Variants in PHTF2 observed in about 807,000 individuals in gnomAD.
PHTF2 encodes putative homeodomain transcription factor 2, also known as protein PHTF2.
A neutral mutation model predicts 101.2 loss-of-function variants in PHTF2; 60 were observed. The ratio of observed to expected loss-of-function variants is 0.59; its 90% CI spans 0.48 to 0.73. The LOEUF (loss-of-function observed/expected upper bound fraction) is 0.73. Ranked by LOEUF, PHTF2 falls within the 30% of genes least tolerant of loss-of-function variation. The pLI is 0.00. For missense variants in PHTF2, 747 were observed against 908.7 expected, an observed-to-expected ratio of 0.82 and a Z score of 2.29; for synonymous variants, 311 against 307.3, an observed-to-expected ratio of 1.01 and a Z score of -0.13.
In PHTF2 at chr7:77,908,960, T is replaced by C; in HGVS notation, c.611+2T>C. ...AAGTACAGGGGGTAAAAGAAGAAGG[T>C]ACTGTTTTTTAAAAAGTAATCTTTT... On this transcript the variant is annotated splice_donor_variant, in intron 8 of 19. Coordinates refer to ENST00000416283, the Ensembl canonical transcript of PHTF2. LOFTEE classifies it high-confidence loss of function. 1 of 1,578,086 alleles carries C rather than the reference T, an allele frequency of 6.3e-7. No individual in the cohort carries two copies. The highest frequency in any genetic ancestry group is 8.6e-7 in the Non-Finnish European group (1 of 1,161,226).
In PHTF2 at chr7:77,951,725, C is replaced by T. The variant is rs73375902; in HGVS notation, c.2211+13C>T. The T allele has an allele frequency of 0.035, 38,229 of 1,092,388 alleles. 1,014 individuals are homozygous for T. Among genetic ancestry groups the T allele is most frequent in the African/African-American group, 0.11 (7,013 of 62,034 alleles). 67.7% of individuals were successfully genotyped at this position (1,092,388 alleles called of 1,614,324 possible). A position where few individuals can be genotyped will look rare whatever the true frequency, so the allele number is the denominator to read the frequency against. The stretch of plus-strand genomic sequence containing the variant: ...TAAACTGCTAAAGGTAAGAATAGAA[C>T]TGAAAATGGTTATAATGTCAAATAT... On this transcript the variant is annotated intron_variant, in intron 18 of 19. Coordinates refer to ENST00000416283, the Ensembl canonical transcript of PHTF2.
intron 15 of PHTF2, among the ~76,000 whole-genome samples, chr7:77,941,015 A>G (rs539351270): frequency 3.2e-4 from 49 of 152,308 alleles, no homozygotes; most frequent in Middle Eastern, 3.4e-3. Flanking sequence ...TCTGGAGGGA[A>G]GAGGGAAACA....
chr7:77,939,965 C>A, intron 13 of PHTF2, 65 bp from the exon 13 acceptor site: 1 of 1,142,488 alleles, frequency 8.8e-7, no homozygotes, highest in Non-Finnish European at 1.2e-6. Flanking sequence ...AATAATTCTA[C>A]TGTAGATAAA....
At chr7:77,887,769 T>G (rs1045305013) in intron 3 of PHTF2, among the ~76,000 whole-genome samples, 6 of 152,202 alleles carry the variant, frequency 3.9e-5, no homozygotes, top group African/African-American at 1.4e-4. Flanking sequence ...AAAAGCTGAC[T>G]GTAGGTCAGC....
intron 3 of PHTF2, among the ~76,000 whole-genome samples, chr7:77,885,965 G>T (rs985637944): frequency 2.6e-5 from 4 of 152,274 alleles, no homozygotes; most frequent in Admixed American, 1.3e-4. Flanking sequence ...AAACATGGTG[G>T]TAGGAAAAAT....
In PHTF2 at chr7:77,874,467, C is replaced by CA. The variant is rs201862452; in HGVS notation, c.148-19139dup. Among the ~76,000 whole-genome samples, 1,057 of 152,252 alleles carry CA rather than the reference C, an allele frequency of 6.9e-3. 5 individuals are homozygous for CA. The highest frequency in any genetic ancestry group is 0.024 in the African/African-American group (984 of 41,540). On this transcript the variant is annotated intron_variant, in intron 3 of 19. Transcript: ENST00000416283. ...ACAAGGTCTCACAATAGACCGTCTG[C>CA]AAGCTGAGGAGCAAGGAGAGCCAGT... is the stretch of plus-strand genomic sequence containing the variant.
chr7:77,857,954 T>C (rs972928386), intron 3 of PHTF2, among the ~76,000 whole-genome samples: 5 of 152,222 alleles, frequency 3.3e-5, no homozygotes, highest in Non-Finnish European at 7.3e-5. Flanking sequence ...AGGCTTAAAA[T>C]TTCTTGTAAA....
intron 1 of PHTF2, among the ~76,000 whole-genome samples, chr7:77,837,920 A>T (rs988364916): frequency 1.1e-4 from 17 of 152,094 alleles, no homozygotes; most frequent in Non-Finnish European, 1.2e-4. Flanking sequence ...TATTATTTAC[A>T]TTGTTGGGGG....
At chr7:77,922,906 G>T (rs1359739096) in intron 11 of PHTF2, 128 bp downstream of exon 10, 4 of 1,286,490 alleles carry the variant, frequency 3.1e-6, no homozygotes, top group East Asian at 2.6e-5. Context: ...TATTATTGTT[G>T]TATGATCTGG....
chr7:77,848,176 G>A (rs1013797407), intron 2 of PHTF2, among the ~76,000 whole-genome samples: 3 of 152,186 alleles, frequency 2.0e-5, no homozygotes, highest in Non-Finnish European at 2.9e-5. Flanking sequence ...ACATGGGAGT[G>A]CAGATATCTC....
At chr7:77,837,804 A>G (rs1275096914) in intron 1 of PHTF2, among the ~76,000 whole-genome samples, 2 of 152,196 alleles carry the variant, frequency 1.3e-5, no homozygotes, top group Non-Finnish European at 2.9e-5. Context: ...CTTTTAAAAA[A>G]TACTATTATT....
At chr7:77,954,926 T>C (rs1230848535) in exon 20 of PHTF2, 1 of 1,057,236 alleles carries the variant, frequency 9.5e-7, no homozygotes, top group South Asian at 1.5e-5. Flanking sequence ...ATAAGAGTAC[T>C]GACTAAGCTG....
At chr7:77,918,360 C>T (rs1185549557) in intron 9 of PHTF2, among the ~76,000 whole-genome samples, 1 of 152,138 alleles carries the variant, frequency 6.6e-6, no homozygotes, top group African/African-American at 2.4e-5. Flanking sequence ...ATCTTTCTTC[C>T]TAAATAAATT....
At chr7:77,841,845 A>G (rs1795910715) in intron 2 of PHTF2, among the ~76,000 whole-genome samples, 1 of 152,254 alleles carries the variant, frequency 6.6e-6, no homozygotes, top group South Asian at 2.1e-4. Context: ...AAAACAAAAC[A>G]AACTTTAAAA....
At chr7:77,858,482 A>G (rs1477936601) in intron 3 of PHTF2, among the ~76,000 whole-genome samples, 1 of 152,170 alleles carries the variant, frequency 6.6e-6, no homozygotes, top group Admixed American at 6.5e-5. Context: ...AACCAAAACT[A>G]AGGTCTGCTG....
intron 6 of PHTF2, among the ~76,000 whole-genome samples, chr7:77,901,015 A>G (rs377332148): frequency 2.4e-4 from 37 of 152,342 alleles, no homozygotes; most frequent in African/African-American, 8.2e-4. Flanking sequence ...GCAGAAGGCA[A>G]GCGGGACCAG....
intron 16 of PHTF2, among the ~76,000 whole-genome samples, chr7:77,946,829 CTG>C (rs1174312051): frequency 1.3e-5 from 2 of 151,980 alleles, no homozygotes; most frequent in Non-Finnish European, 1.5e-5. Context: ...TAATTGAAAA[CTG>C]TAAATACTGG....
At chr7:77,911,142 A>G (rs1802354119) in intron 9 of PHTF2, among the ~76,000 whole-genome samples, 1 of 152,174 alleles carries the variant, frequency 6.6e-6, no homozygotes, top group Non-Finnish European at 1.5e-5. Context: ...ATGTGATTCT[A>G]CTTTTGTACA....
chr7:77,914,361 C>G (rs1159820666), intron 9 of PHTF2, among the ~76,000 whole-genome samples: 4 of 152,132 alleles, frequency 2.6e-5, no homozygotes, highest in Non-Finnish European at 5.9e-5. Flanking sequence ...AAGAGTAGTT[C>G]TCAGAAATCT....
Sources: gnomAD v4.1 joint callset for allele counts (sites outside exome capture counted in the v4.1 genomes callset) on GRCh38, gnomAD v4.1.1 for gene constraint, MANE v1.5 for transcripts, NCBI Gene and HGNC (gene_info 2026-07-23, HGNC 2026-07-21) for gene names.